The following SDK1 variants were observed in gnomAD, a reference collection of about 807,000 sequenced individuals.
SDK1 encodes the protein protein sidekick-1.
In SDK1, 157 loss-of-function variants were observed where a neutral mutation model predicts 245.5. The ratio of observed to expected loss-of-function variants is 0.64; its 90% confidence interval spans 0.56 to 0.73. The LOEUF is 0.73. Ranked by LOEUF, SDK1 falls within the 30% of genes least tolerant of loss-of-function variation. The pLI, the probability that SDK1 is intolerant of heterozygous loss-of-function variation, is 0.00. For synonymous variants in SDK1, 1,647 were observed against 1,278.5 expected (o/e 1.29, Z -6.15); for missense variants, 3,583 against 3,002.3 (o/e 1.19, Z -4.52).
At chr7:3,707,079 A>T (rs1784913374) in intron 4 of SDK1, among the ~76,000 whole-genome samples, 1 of 151,400 alleles carries the variant, frequency 6.6e-6, no homozygotes, top group Non-Finnish European at 1.5e-5. Context: ...TTTGTTATTT[A>T]TTTTCTTCTG....
At chr7:3,400,309 T>C (rs574358298) in intron 1 of SDK1, among the ~76,000 whole-genome samples, 10 of 152,288 alleles carry the variant, frequency 6.6e-5, no homozygotes, top group Non-Finnish European at 1.0e-4. Context: ...CTTTGGTTAA[T>C]TTTCAGAATT....
intron 44 of SDK1, among the ~76,000 whole-genome samples, chr7:4,264,187 C>T (rs1190075546): frequency 9.4e-6 from 1 of 106,278 alleles, no homozygotes. Flanking sequence ...TGGGGGAGGC[C>T]GCGTAGACCT....
intron 1 of SDK1, among the ~76,000 whole-genome samples, chr7:3,397,362 A>G (rs1275370652): frequency 6.6e-6 from 1 of 151,922 alleles, no homozygotes; most frequent in Admixed American, 6.6e-5. Flanking sequence ...TGTTTCTTGT[A>G]GAGCAATTCT....
chr7:3,431,441 T>G (rs1278113366), intron 1 of SDK1, among the ~76,000 whole-genome samples: 1 of 151,668 alleles, frequency 6.6e-6, no homozygotes, highest in East Asian at 1.9e-4. Context: ...TGTAGATGAT[T>G]ACTCTGAAAA....
chr7:3,636,206 A>T (rs1219157092), intron 2 of SDK1, among the ~76,000 whole-genome samples: 1 of 152,134 alleles, frequency 6.6e-6, no homozygotes, highest in Non-Finnish European at 1.5e-5. Context: ...CCTCTTCATT[A>T]TTATTTTTGT....
chr7:3,739,755 A>G (rs1440691372), intron 4 of SDK1, among the ~76,000 whole-genome samples: 1 of 152,136 alleles, frequency 6.6e-6, no homozygotes, highest in East Asian at 1.9e-4. Context: ...AGTCTAGCAT[A>G]CCTTAGGGGC....
At chr7:3,660,094 T>C (rs1000161255) in intron 4 of SDK1, among the ~76,000 whole-genome samples, 4 of 151,872 alleles carry the variant, frequency 2.6e-5, no homozygotes, top group African/African-American at 2.4e-5. Context: ...AGACAGAATA[T>C]TGGGGACAAT....
intron 4 of SDK1, among the ~76,000 whole-genome samples, chr7:3,744,911 C>CT (rs1034326526): frequency 1.3e-5 from 2 of 152,094 alleles, no homozygotes; most frequent in African/African-American, 2.4e-5. Flanking sequence ...TAAAGAACTG[C>CT]TTTTTTTGTG....
At position 4,051,670 on chromosome 7, in the gene SDK1, T is replaced by C. The variant is rs1583952026; in HGVS notation, c.2751T>C (p.Ala917=). 5 of 1,613,042 alleles carry C rather than the reference T, an allele frequency of 3.1e-6. No homozygotes were observed. Among genetic ancestry groups the C allele is most frequent in the Non-Finnish European group, 3.4e-6 (4 of 1,179,552 alleles). ...CATGGCCGGCAGATGCCCCCGAGGC[T>C]GTCACTGTGGTCACTATTGCCCCAG... ...LLAWPADAPE[A]VTVVTIAPDF... The change falls in exon 19 of 45, where the codon GCT becomes GCC. Residue 917 remains alanine, a synonymous_variant. Transcript: ENST00000404826.
At chr7:3,577,430 C>T (rs879322174) in intron 1 of SDK1, among the ~76,000 whole-genome samples, 6 of 151,998 alleles carry the variant, frequency 3.9e-5, no homozygotes, top group East Asian at 1.9e-4. Flanking sequence ...TTCACTGAGA[C>T]GTGCTCCCTT....
intron 28 of SDK1, among the ~76,000 whole-genome samples, chr7:4,134,254 G>A (rs1455616971): frequency 2.6e-5 from 4 of 152,142 alleles, no homozygotes; most frequent in African/African-American, 9.7e-5. Flanking sequence ...CTTTGAGTAC[G>A]GCATTTCTCA....
intron 17 of SDK1, among the ~76,000 whole-genome samples, chr7:4,018,409 G>A (rs1786594070): frequency 6.6e-6 from 1 of 152,096 alleles, no homozygotes; most frequent in Non-Finnish European, 1.5e-5. Context: ...TATAAATTAA[G>A]TGCAGTCAGT....
chr7:3,662,585 C>T (rs946401528), intron 4 of SDK1, among the ~76,000 whole-genome samples: 2 of 152,150 alleles, frequency 1.3e-5, no homozygotes, highest in East Asian at 1.9e-4. Context: ...GCTGCGGGGA[C>T]GATTGGGAGC....
intron 1 of SDK1, among the ~76,000 whole-genome samples, chr7:3,566,776 A>G (rs1779933873): frequency 6.6e-6 from 1 of 152,160 alleles, no homozygotes; most frequent in East Asian, 1.9e-4. Context: ...AGATATGACC[A>G]CACACTTCAC....
intron 28 of SDK1, among the ~76,000 whole-genome samples, chr7:4,143,434 A>G (rs1779717207): frequency 4.6e-5 from 7 of 152,060 alleles, no homozygotes; most frequent in Admixed American, 4.6e-4. Context: ...GGTCATTACC[A>G]CCGTGAGCCC....
chr7:3,653,367 A>G (rs2128656593), intron 4 of SDK1, among the ~76,000 whole-genome samples: 1 of 152,182 alleles, frequency 6.6e-6, no homozygotes, highest in South Asian at 2.1e-4. Context: ...TTTGAAATCT[A>G]GACTTAGAAT....
intron 5 of SDK1, among the ~76,000 whole-genome samples, chr7:3,825,351 A>T (rs1413655216): frequency 6.7e-6 from 1 of 150,344 alleles, no homozygotes; most frequent in African/African-American, 2.4e-5. Flanking sequence ...GCCACAGGCG[A>T]TGAGACGAAT....
chr7:3,446,590 T>C (rs534596752), intron 1 of SDK1, among the ~76,000 whole-genome samples: 20 of 152,304 alleles, frequency 1.3e-4, no homozygotes, highest in African/African-American at 4.6e-4. Flanking sequence ...CAACTCAATT[T>C]AATAAGTCTC....
intron 5 of SDK1, among the ~76,000 whole-genome samples, chr7:3,902,473 C>T (rs1485574355): frequency 6.6e-6 from 1 of 152,166 alleles, no homozygotes; most frequent in East Asian, 1.9e-4. Flanking sequence ...CTTCTTGTGC[C>T]TGGAAGATGT....
Sources: allele counts gnomAD v4.1 joint callset (sites outside exome capture counted in the v4.1 genomes callset), GRCh38; gene constraint gnomAD v4.1.1; transcripts MANE v1.5; gene names NCBI Gene and HGNC (gene_info 2026-07-23, HGNC 2026-07-21).